The following VWCE variants were observed in gnomAD, a reference collection of about 807,000 sequenced individuals.
VWCE encodes the protein von Willebrand factor C and EGF domains, also known as von Willebrand factor C and EGF domain-containing protein.
VWCE carries 68 observed loss-of-function variants against 102.9 expected under a neutral mutation model. The observed-to-expected ratio is 0.66, with a 90% CI of 0.54 to 0.81. The LOEUF is 0.81. Among genes scored for constraint, VWCE ranks in the 30% least tolerant of loss-of-function variants. The probability of loss-of-function intolerance (pLI) is 0.00; values close to 1 mark genes in which losing one functional copy is unlikely to be tolerated. For missense variants in VWCE, 1,137 were observed against 1,263.6 expected (o/e 0.90, Z 1.52); for synonymous variants, 497 against 515.4 (o/e 0.96, Z 0.48).
chr11:61,270,208 C>T (rs1324289645), intron 14 of VWCE, among the ~76,000 whole-genome samples: 2 of 152,310 alleles, frequency 1.3e-5, no homozygotes, highest in South Asian at 2.1e-4. Flanking sequence ...CGTGAGCCAC[C>T]GCGCCCGGCC....
At chr11:61,284,990 T>C (rs913957321) in intron 5 of VWCE, among the ~76,000 whole-genome samples, 74 of 150,662 alleles carry the variant, frequency 4.9e-4, no homozygotes, top group African/African-American at 1.8e-3. Flanking sequence ...CAGAGAGCTC[T>C]CTCTCCAAGT....
Position 61,280,713 on chromosome 11 carries a change from C to G in VWCE, c.1235G>C (p.Gly412Ala). The change falls in exon 9 of 20, where the codon GGG (glycine) becomes GCG (alanine). Residue 412 changes from glycine (G) to alanine (A), a missense_variant. Physicochemically the swap from Gly to Ala is moderately conservative, Grantham distance 60. Transcript: ENST00000335613. ...CCTCACCTTTTCACAGGTCACCTTC[C>G]CGTCCTAGAAGCACAAGCAGGAGTT... is the stretch of plus-strand genomic sequence containing the variant. ...PGCSQCWCED[G>A]KVTCEKVRCE... 6 of 1,613,978 alleles carry G rather than the reference C, an allele frequency of 3.7e-6. No homozygotes were observed. Among genetic ancestry groups the G allele is most frequent in the Non-Finnish European group, 5.1e-6 (6 of 1,180,012 alleles).
At chr11:61,260,770 A>G (rs1854331475) in intron 19 of VWCE, among the ~76,000 whole-genome samples, 1 of 152,206 alleles carries the variant, frequency 6.6e-6, no homozygotes, top group Non-Finnish European at 1.5e-5. Context: ...ACCCAGGAAA[A>G]GATCAAAATT....
intron 4 of VWCE, among the ~76,000 whole-genome samples, chr11:61,287,182 A>G (rs1261833153): frequency 6.6e-6 from 1 of 152,100 alleles, no homozygotes; most frequent in Non-Finnish European, 1.5e-5. Context: ...AATCAACCCC[A>G]CAAGGACCCT....
chr11:61,273,979 C>G (rs1385796947), intron 12 of VWCE, among the ~76,000 whole-genome samples: 3 of 152,190 alleles, frequency 2.0e-5, no homozygotes, highest in Non-Finnish European at 4.4e-5. Context: ...GGTAAGTCGC[C>G]TGCACTGGCC....
intron 19 of VWCE, among the ~76,000 whole-genome samples, chr11:61,263,784 G>T (rs1180391833): frequency 3.9e-5 from 6 of 152,192 alleles, no homozygotes; most frequent in African/African-American, 1.2e-4. Flanking sequence ...TATTGCAGGG[G>T]TGTAGACACA....
Position 61,276,686 on chromosome 11 carries a change from G to A in VWCE, c.1408-6C>T, listed in dbSNP as rs373319444. 4.2e-5 allele frequency: 67 copies of A among 1,593,960 alleles called. No homozygotes were observed. The highest frequency in any genetic ancestry group is 1.0e-4 in the South Asian group (9 of 87,208). ...ATGCAGGACACGTTTCCAGCCTGAG[G>A]AGGAGGCAAGAGAGGGCACTGGGGG... On this transcript the variant is annotated splice_region_variant and splice_polypyrimidine_tract_variant and intron_variant, in intron 10 of 19. Coordinates refer to ENST00000335613, the MANE Select transcript of VWCE (RefSeq NM_152718.2).
intron 4 of VWCE, 140 bp downstream of exon 4, chr11:61,290,659 T>C: frequency 1.1e-6 from 1 of 932,912 alleles, no homozygotes. Context: ...CTCATGTCTC[T>C]CTGCCCACTC....
At chr11:61,279,645 A>G (rs1855054381) in intron 9 of VWCE, among the ~76,000 whole-genome samples, 1 of 152,202 alleles carries the variant, frequency 6.6e-6, no homozygotes, top group Admixed American at 6.5e-5. Flanking sequence ...CTACTGCTCA[A>G]TCTCCAGCAA....
intron 10 of VWCE, among the ~76,000 whole-genome samples, chr11:61,277,167 AAGG>A (rs1310260087): frequency 8.9e-5 from 12 of 134,504 alleles, no homozygotes; most frequent in Admixed American, 7.5e-5. Flanking sequence ...AGAGAGAAAA[AAGG>A]AGGGAGGGAG....
At position 61,270,323 on chromosome 11, in the gene VWCE, T is replaced by C. The variant is rs543083734; in HGVS notation, c.1786-1305A>G. On this transcript the variant is annotated intron_variant, in intron 14 of 19. Transcript: ENST00000335613. ...CACCTGGAGGTTAAAATGCAGTTTGTGAGAGCAGAGGTGTGGGCAGGGCCT... is the reference window on the plus strand; with the variant it reads ...CACCTGGAGGTTAAAATGCAGTTTGCGAGAGCAGAGGTGTGGGCAGGGCCT... 4.7e-4 allele frequency among the ~76,000 whole-genome samples: 72 copies of C among 152,342 alleles called. 1 individual carries two copies. The highest frequency in any genetic ancestry group is 9.6e-4 in the Non-Finnish European group (65 of 68,024).
rs1855597817 is a variant in VWCE, at chr11:61,294,064, C to G, written c.110+864G>C. Among the ~76,000 whole-genome samples, 1 of 152,124 alleles carries G rather than the reference C, an allele frequency of 6.6e-6. No homozygotes were observed. The highest frequency in any genetic ancestry group is 1.9e-4 in the East Asian group (1 of 5,186). ...GCAGATAAAAGGGTGCCCAGGGAGG[C>G]TGATGGAGTCGAACTCTCAGGTGGG... On this transcript the variant is annotated intron_variant, in intron 1 of 19. Coordinates refer to ENST00000335613, the MANE Select transcript of VWCE (RefSeq NM_152718.2). The surrounding 1 kb of genome is among the most constrained non-coding windows in gnomAD (Gnocchi z 6.3).
At position 61,271,686 on chromosome 11, in the gene VWCE, A is replaced by G; in HGVS notation, c.1774T>C (p.Cys592Arg). Residue 592 changes from cysteine to arginine, a missense_variant, in exon 14 of 20, where the codon TGC becomes CGC. Physicochemically the swap from Cys to Arg is radical, Grantham distance 180 (BLOSUM62 -3). Around this residue, in one of 5 missense-constraint regions of VWCE, gnomAD observed 212 missense variants for 235.1 expected, o/e 0.90. Coordinates refer to ENST00000335613, the MANE Select transcript of VWCE (RefSeq NM_152718.2). Reference sequence around the variant, plus strand: ...AGGTTGTCATTCACCTGGCAGATGCATAACTCACAGGGGTCACCAGGCGAC... The same window carrying G: ...AGGTTGTCATTCACCTGGCAGATGCGTAACTCACAGGGGTCACCAGGCGAC... ...IWSPGDPCEL[C>R]ICQADGSVSC... is the part of the protein sequence containing the mutation. The G allele has an allele frequency of 6.2e-7, 1 of 1,612,932 alleles. No individual in the cohort carries two copies. The highest frequency in any genetic ancestry group is 8.5e-7 in the Non-Finnish European group (1 of 1,179,526).
chr11:61,267,199 A>G (rs926299004), intron 16 of VWCE, among the ~76,000 whole-genome samples: 1 of 152,164 alleles, frequency 6.6e-6, no homozygotes, highest in African/African-American at 2.4e-5. Context: ...CGGAGGTTGC[A>G]GTGAGCCAAG....
rs762795296 is a variant in VWCE, at chr11:61,278,452, C to T, written c.1349G>A (p.Arg450Gln). ...AGGTGAAAACACATCCCCTTCAGCT[C>T]GGACGACACCACTGTGAAAACAGCC... ...CTGCFHSGVVRAEGDVFSPPN... is the reference protein window; with the variant it reads ...CTGCFHSGVVQAEGDVFSPPN... The change falls in exon 10 of 20, where the codon CGA becomes CAA. Residue 450 changes from arginine to glutamine, a missense_variant. This residue lies in a region of VWCE where 575 missense variants were observed against 625.9 expected (regional missense o/e 0.92). Transcript: ENST00000335613. The T allele has an allele frequency of 6.2e-6, 10 of 1,614,008 alleles. No individual in the cohort carries two copies. Among genetic ancestry groups the T allele is most frequent in the African/African-American group, 2.7e-5 (2 of 74,906 alleles).
chr11:61,291,044 G>C lies in VWCE; in HGVS notation c.296-117C>G, dbSNP rs576425155. ...GTAGCTCTGAAGGCAAACAGGCCTG[G>C]GTTTAAATCCAGCTCTGCCATTTAC... On this transcript the variant is annotated intron_variant, in intron 3 of 19. Transcript: ENST00000335613. 4.0e-5 allele frequency: 59 copies of C among 1,461,366 alleles called. No homozygotes were observed. In the East Asian group the frequency reaches 1.3e-3, roughly 33 times the overall value. The allele number at this position is 1,461,366 out of a possible 1,614,324, so 90.5% of individuals were successfully genotyped here. A position where few individuals can be genotyped will look rare whatever the true frequency, so the allele number is the denominator to read the frequency against.
At chr11:61,271,517 T>C in intron 14 of VWCE, 158 bp downstream of exon 14, 1 of 647,644 alleles carries the variant, frequency 1.5e-6, no homozygotes, top group Admixed American at 2.4e-5. Flanking sequence ...CAGGATAAAC[T>C]CGGTCCAACC....
At chr11:61,266,899 A>G (rs1241635745) in intron 16 of VWCE, among the ~76,000 whole-genome samples, 2 of 152,220 alleles carry the variant, frequency 1.3e-5, no homozygotes, top group Admixed American at 6.5e-5. Context: ...ACCCTCATCA[A>G]GAATCCCTAA....
chr11:61,282,879 A>G lies in VWCE; in HGVS notation c.568T>C (p.Cys190Arg). Reference sequence around the variant, plus strand: ...ATGCTGTTTTTACATCTCTGCTGACAGGGAGTCCCTAGGCATTCGTCAGTG... The same window carrying G: ...ATGCTGTTTTTACATCTCTGCTGACGGGGAGTCCCTAGGCATTCGTCAGTG... ...QDTDECLGTP[C>R]QQRCKNSIGS... The change falls in exon 6 of 20, where the codon TGT (cysteine) becomes CGT (arginine). Residue 190 changes from cysteine to arginine, a missense_variant. Cys to Arg is a radical substitution (Grantham distance 180, BLOSUM62 -3). Around this residue, in one of 5 missense-constraint regions of VWCE, gnomAD observed 575 missense variants for 625.9 expected, o/e 0.92. Coordinates refer to ENST00000335613, the MANE Select transcript of VWCE (RefSeq NM_152718.2). 4 of 1,614,194 alleles carry G rather than the reference A, an allele frequency of 2.5e-6. No individual in the cohort carries two copies. The highest frequency in any genetic ancestry group is 3.4e-6 in the Non-Finnish European group (4 of 1,180,014).
Sources: gnomAD v4.1 joint callset for allele counts (sites outside exome capture counted in the v4.1 genomes callset) on GRCh38, gnomAD v4.1.1 for gene constraint, gnomAD v4.1.1 regional missense constraint, Gnocchi (gnomAD v3.1) non-coding constraint, MANE v1.5 for transcripts, NCBI Gene and HGNC (gene_info 2026-07-23, HGNC 2026-07-21) for gene names.